CSMD1: variants seen among roughly 807,000 people sequenced by gnomAD.
CSMD1 encodes the protein CUB and Sushi multiple domains 1.
CSMD1 carries 213 observed loss-of-function variants against 417.5 expected under a neutral mutation model. The ratio of observed to expected loss-of-function variants is 0.51; its 90% confidence interval spans 0.46 to 0.57. The LOEUF (loss-of-function observed/expected upper bound fraction) is 0.57, where lower values mean the gene tolerates loss of function less well. Ranked by LOEUF, CSMD1 falls within the 20% of genes least tolerant of loss-of-function variation. CSMD1 has a pLI of 0.00. For synonymous variants in CSMD1, 2,862 were observed against 1,736.8 expected (o/e 1.65, Z -16.11); for missense variants, 6,923 against 4,529.7 (o/e 1.53, Z -15.17).
rs1027280576 is a variant in CSMD1 at position 2,998,147 on chromosome 8, T to A, written c.8241A>T (p.Gly2747=). The A allele has an allele frequency of 4.0e-5, 65 of 1,613,886 alleles. No individual in the cohort carries two copies. The highest frequency in any genetic ancestry group is 5.2e-5 in the Non-Finnish European group (61 of 1,179,880). ...GGTTGAACTCACTGCCATTAGTGAA[T>A]CCGTGGGCAGGGTTTCCAGGGTGAC... is the stretch of plus-strand genomic sequence containing the variant. The part of the protein sequence containing the change: ...TCGHPGNPAH[G]FTNGSEFNLN... Residue 2747 remains glycine, a synonymous_variant, in exon 54 of 70, where the codon GGA becomes GGT. Transcript: ENST00000635120.
At chr8:4,011,582 G>C (rs1585128826) in intron 4 of CSMD1, among the ~76,000 whole-genome samples, 2 of 152,184 alleles carry the variant, frequency 1.3e-5, no homozygotes, top group African/African-American at 2.4e-5. Context: ...CAGTTCCTAG[G>C]ATTCATCTCA....
At chr8:4,881,498 G>A (rs546380862) in intron 1 of CSMD1, among the ~76,000 whole-genome samples, 1 of 146,400 alleles carries the variant, frequency 6.8e-6, no homozygotes, top group African/African-American at 2.6e-5. Flanking sequence ...CTTGCCTATA[G>A]AATTAGGCTC....
At chr8:3,281,986 G>A (rs1021853009) in intron 26 of CSMD1, among the ~76,000 whole-genome samples, 2 of 152,090 alleles carry the variant, frequency 1.3e-5, no homozygotes, top group Non-Finnish European at 1.5e-5. Context: ...TTCCCCGGTC[G>A]TGGAAGATGT....
At chr8:3,128,743 T>C (rs561806091) in intron 41 of CSMD1, 1 of 395,662 alleles carries the variant, frequency 2.5e-6, no homozygotes, top group South Asian at 1.9e-5. Flanking sequence ...TATTTATTTT[T>C]ATATCTCAGT....
At chr8:4,229,219 A>G (rs889953735) in intron 3 of CSMD1, among the ~76,000 whole-genome samples, 2 of 152,102 alleles carry the variant, frequency 1.3e-5, no homozygotes, top group African/African-American at 4.8e-5. Context: ...AAATCAGCAC[A>G]TTGGCCAATT....
chr8:3,440,364 TAC>T (rs1421117116), intron 12 of CSMD1, among the ~76,000 whole-genome samples: 3 of 152,226 alleles, frequency 2.0e-5, no homozygotes, highest in African/African-American at 7.2e-5. Flanking sequence ...CCTATACATA[TAC>T]AGTTTTCTTT....
At chr8:3,886,387 G>A (rs1391238795) in intron 5 of CSMD1, among the ~76,000 whole-genome samples, 1 of 152,184 alleles carries the variant, frequency 6.6e-6, no homozygotes, top group African/African-American at 2.4e-5. Flanking sequence ...TGGCAAATTG[G>A]TTGTGTGCTA....
chr8:3,434,566 C>G (rs1044065870), intron 12 of CSMD1, among the ~76,000 whole-genome samples: 2 of 152,126 alleles, frequency 1.3e-5, no homozygotes, highest in African/African-American at 4.8e-5. Context: ...AAATAGTGAA[C>G]ATAATTTAGA....
intron 3 of CSMD1, among the ~76,000 whole-genome samples, chr8:4,261,771 A>C (rs1452208497): frequency 6.6e-6 from 1 of 152,112 alleles, no homozygotes; most frequent in Non-Finnish European, 1.5e-5. Flanking sequence ...GAAGTGATGA[A>C]TATGTTAATT....
At chr8:3,966,690 G>C (rs1227473913) in intron 5 of CSMD1, among the ~76,000 whole-genome samples, 1 of 151,968 alleles carries the variant, frequency 6.6e-6, no homozygotes, top group East Asian at 1.9e-4. Flanking sequence ...TGCCACCACA[G>C]CGTATGCCAT....
At chr8:4,319,695 G>T (rs149247710) in intron 3 of CSMD1, among the ~76,000 whole-genome samples, 1 of 152,214 alleles carries the variant, frequency 6.6e-6, no homozygotes, top group East Asian at 1.9e-4. Context: ...AATCCAAGCA[G>T]AATTTGGCAG....
chr8:4,169,211 G>C (rs1325815405), intron 3 of CSMD1, among the ~76,000 whole-genome samples: 3 of 152,114 alleles, frequency 2.0e-5, no homozygotes, highest in East Asian at 3.9e-4. Context: ...ACCAACACAT[G>C]TCTGAGCAAA....
At chr8:3,325,048 C>G (rs762512280) in intron 23 of CSMD1, among the ~76,000 whole-genome samples, 6 of 151,950 alleles carry the variant, frequency 3.9e-5, no homozygotes, top group Non-Finnish European at 7.4e-5. Flanking sequence ...ATTTGTGGAG[C>G]AGAGAAAAAT....
intron 16 of CSMD1, among the ~76,000 whole-genome samples, 159 bp downstream of exon 16, chr8:3,399,232 A>G (rs1811887775): frequency 6.6e-6 from 1 of 152,206 alleles, no homozygotes; most frequent in Admixed American, 6.5e-5. Context: ...CCACTGAAGA[A>G]GAACAAAACT....
intron 5 of CSMD1, among the ~76,000 whole-genome samples, chr8:3,817,881 A>G (rs1801479288): frequency 6.6e-6 from 1 of 152,162 alleles, no homozygotes; most frequent in African/African-American, 2.4e-5. Context: ...CACACTAAGG[A>G]CATTCTTGCT....
intron 2 of CSMD1, among the ~76,000 whole-genome samples, chr8:4,522,282 C>G (rs1259032011): frequency 6.6e-6 from 1 of 152,190 alleles, no homozygotes; most frequent in East Asian, 1.9e-4. Flanking sequence ...TCCTCCTTGC[C>G]TTCTGCCATA....
intron 3 of CSMD1, among the ~76,000 whole-genome samples, chr8:4,173,828 C>T (rs1289439487): frequency 6.6e-5 from 10 of 152,094 alleles, no homozygotes; most frequent in South Asian, 2.1e-4. Flanking sequence ...TCTGATCAGG[C>T]TTCTCAGTTC....
intron 3 of CSMD1, among the ~76,000 whole-genome samples, chr8:4,304,420 G>T (rs994954125): frequency 3.9e-5 from 6 of 152,110 alleles, no homozygotes; most frequent in African/African-American, 7.2e-5. Flanking sequence ...AGCGACAGAA[G>T]GTGAATTTAA....
At chr8:3,630,293 G>A (rs764826830) in intron 7 of CSMD1, among the ~76,000 whole-genome samples, 3 of 152,124 alleles carry the variant, frequency 2.0e-5, no homozygotes, top group African/African-American at 4.8e-5. Context: ...AGCTGAAATG[G>A]AAAAGATGGG....
Sources: allele counts gnomAD v4.1 joint callset (sites outside exome capture counted in the v4.1 genomes callset), GRCh38; gene constraint gnomAD v4.1.1; transcripts MANE v1.5; gene names NCBI Gene and HGNC (gene_info 2026-07-23, HGNC 2026-07-21).